Variants in ZNF814 observed in about 807,000 individuals in gnomAD.
ZNF814 encodes zinc finger protein 814.
ZNF814 carries 5 observed loss-of-function variants against 7.5 expected under a neutral mutation model. That is an observed-to-expected ratio of 0.67 (90% CI 0.35 to 1.40). The LOEUF (loss-of-function observed/expected upper bound fraction) is 1.40. ZNF814 is among the 40% of genes most tolerant of loss of function. ZNF814 has a pLI of 0.04. For synonymous variants in ZNF814, 315 were observed against 340.7 expected (o/e 0.92, Z 0.83); for missense variants, 962 against 1,018.0 (o/e 0.94, Z 0.75).
upstream of ZNF814, among the ~76,000 whole-genome samples, chr19:57,893,930 A>G (rs1600142729): frequency 6.6e-6 from 1 of 151,738 alleles, no homozygotes; most frequent in South Asian, 2.1e-4. Context: ...AAAAAAAAAA[A>G]AAAATTAGTC....
the ZNF814 span, among the ~76,000 whole-genome samples, chr19:57,903,779 C>G: frequency 2.0e-5 from 3 of 152,134 alleles, no homozygotes; most frequent in Admixed American, 6.5e-5. Flanking sequence ...ATGCGGAAGC[C>G]GCTTCTGGAG....
rs868117818 is a variant in ZNF814 at position 57,872,084 on chromosome 19, C to T, written c.*738G>A. Among the ~76,000 whole-genome samples the T allele has an allele frequency of 2.6e-5, 4 of 152,072 alleles. No homozygotes were observed. The highest frequency in any genetic ancestry group is 3.9e-4 in the East Asian group (2 of 5,184). On this transcript the variant is annotated 3_prime_UTR_variant, in exon 3 of 3. Coordinates refer to ENST00000435989, the MANE Select transcript of ZNF814 (RefSeq NM_001144989.2). ...ACACACCACTGCACGCCATCCTGAG[C>T]GACACAGTGACAACCTGTCTCAAAA...
intron 1 of ZNF814, among the ~76,000 whole-genome samples, chr19:57,879,265 C>A (rs376107202): frequency 6.6e-6 from 1 of 150,730 alleles, no homozygotes; most frequent in Non-Finnish European, 1.5e-5. Context: ...GACCCTATTC[C>A]ACTTCTGTGC....
chr19:57,885,683 T>C (rs1237812378), intron 1 of ZNF814, among the ~76,000 whole-genome samples: 1 of 142,104 alleles, frequency 7.0e-6, no homozygotes, highest in Admixed American at 7.1e-5. Flanking sequence ...GAGAATAAGA[T>C]CTAGAAAAAG....
chr19:57,894,971 T>G, the ZNF814 span, among the ~76,000 whole-genome samples: 1 of 152,082 alleles, frequency 6.6e-6, no homozygotes, highest in Non-Finnish European at 1.5e-5. Flanking sequence ...AGCAAATGGA[T>G]GGAAATCAGA....
At chr19:57,897,768 G>T in the ZNF814 span, among the ~76,000 whole-genome samples, 1 of 152,084 alleles carries the variant, frequency 6.6e-6, no homozygotes, top group South Asian at 2.1e-4. Flanking sequence ...TTGCTTGGAG[G>T]GTCTAGCTTA....
chr19:57,904,411 A>G, the ZNF814 span, among the ~76,000 whole-genome samples: 1 of 151,482 alleles, frequency 6.6e-6, no homozygotes. Context: ...CATTCCTTTG[A>G]CTCTGCCAGA....
rs1380167156 is a variant in ZNF814, at chr19:57,874,865, A to G, written c.525T>C (p.Ser175=). 5.0e-6 allele frequency: 8 copies of G among 1,613,844 alleles called. No individual in the cohort carries two copies. The highest frequency in any genetic ancestry group is 6.8e-6 in the Non-Finnish European group (8 of 1,179,988). The change falls in exon 3 of 3, where the codon AGT becomes AGC. Residue 175 remains serine, a synonymous_variant. Transcript: ENST00000435989. The part of the protein sequence containing the change: ...VSGESSVFSE[S]GKDFLPRSGL... ...CTGACCTGGGCAAAAAGTCCTTCCC[A>G]CTCTCACTGAAGACAGATGACTCCC...
At chr19:57,903,838 G>A in the ZNF814 span, among the ~76,000 whole-genome samples, 28 of 152,122 alleles carry the variant, frequency 1.8e-4, no homozygotes, top group Non-Finnish European at 8.8e-5. Context: ...CGGTTTTGCA[G>A]GACAAAAAAG....
intron 1 of ZNF814, among the ~76,000 whole-genome samples, chr19:57,887,539 C>A (rs926943091): frequency 4.6e-5 from 7 of 152,166 alleles, no homozygotes; most frequent in Non-Finnish European, 8.8e-5. Flanking sequence ...TTTCACTAAT[C>A]CTGTTTTTAG....
Position 57,884,362 on chromosome 19 carries a change from T to C in ZNF814, c.36+4405A>G, listed in dbSNP as rs78045181. ...GAGCAGTGCCTCCCAGCTATAATCA[T>C]AGCAGTTTGGGAGACTGAGGCAGAA... is the stretch of plus-strand genomic sequence containing the variant. On this transcript the variant is annotated intron_variant, in intron 1 of 2. Coordinates refer to ENST00000435989, the MANE Select transcript of ZNF814 (RefSeq NM_001144989.2). 2.2e-3 allele frequency among the ~76,000 whole-genome samples: 329 copies of C among 152,286 alleles called. 4 individuals carry two copies. The highest frequency in any genetic ancestry group is 7.4e-3 in the African/African-American group (309 of 41,574).
At chr19:57,884,833 T>C (rs879461286) in intron 1 of ZNF814, among the ~76,000 whole-genome samples, 4 of 152,174 alleles carry the variant, frequency 2.6e-5, no homozygotes, top group African/African-American at 4.8e-5. Context: ...ACAACCACTA[T>C]GGAGAACAGT....
rs778753691 is a variant in ZNF814, at chr19:57,889,010, T to G, written c.-208A>C. The stretch of plus-strand genomic sequence containing the variant: ...GGACCTAGCGCTCAGGAGCCTCTCC[T>G]ACAAATAAATCCAACACCAATCAAA... On this transcript the variant is annotated 5_prime_UTR_variant, in exon 1 of 3. Coordinates refer to ENST00000435989, the MANE Select transcript of ZNF814 (RefSeq NM_001144989.2). The G allele has an allele frequency of 8.5e-5, 49 of 578,646 alleles. No individual in the cohort carries two copies. Among genetic ancestry groups the G allele is most frequent in the South Asian group, 4.6e-4 (20 of 43,374 alleles). 35.8% of individuals were successfully genotyped at this position (578,646 alleles called of 1,614,324 possible).
At chr19:57,879,255 G>A (rs540995507) in intron 1 of ZNF814, among the ~76,000 whole-genome samples, 1 of 151,416 alleles carries the variant, frequency 6.6e-6, no homozygotes, top group African/African-American at 2.4e-5. Context: ...AGCTATCCAT[G>A]ACCCTATTCC....
intron 2 of ZNF814, among the ~76,000 whole-genome samples, chr19:57,875,943 C>CTTTTTTTTTTTTTTTTT (rs567660556): frequency 5.6e-5 from 4 of 71,376 alleles, no homozygotes; most frequent in Admixed American, 3.6e-4. Flanking sequence ...CAGGGTGCCG[C>CTTTTTTTTTTTTTTTTT]TTTTTTTTTT....
In ZNF814 at chr19:57,870,385, A is replaced by G. The variant is rs1305650767; in HGVS notation, c.*2437T>C. The G allele has an allele frequency of 2.6e-5, 4 of 152,214 alleles. No individual in the cohort carries two copies. Among genetic ancestry groups the G allele is most frequent in the African/African-American group, 9.7e-5 (4 of 41,450 alleles). The allele number at this position is 152,214 out of a possible 1,614,324, so 9.4% of individuals were successfully genotyped here. ...GCCCTAAGTGGGAAAACTAGCCTCC[A>G]CGGTAGCAAATATTGATGTGGCACT... On this transcript the variant is annotated 3_prime_UTR_variant, in exon 3 of 3. Coordinates refer to ENST00000435989, the MANE Select transcript of ZNF814 (RefSeq NM_001144989.2).
In ZNF814 at chr19:57,872,645, C is replaced by T. The variant is rs922586587; in HGVS notation, c.*177G>A. On this transcript the variant is annotated 3_prime_UTR_variant, in exon 3 of 3. Transcript: ENST00000435989. Reference sequence around the variant, plus strand: ...GTTTCAGCAAAGGATTTCCCACATTCACTGCACTCATAAGGTGGTGTGACC... The same window carrying T: ...GTTTCAGCAAAGGATTTCCCACATTTACTGCACTCATAAGGTGGTGTGACC... 2 of 1,489,732 alleles carry T rather than the reference C, an allele frequency of 1.3e-6. No individual in the cohort carries two copies. The highest frequency in any genetic ancestry group is 9.2e-7 in the Non-Finnish European group (1 of 1,086,872). The allele number at this position is 1,489,732 out of a possible 1,614,324, so 92.3% of individuals were successfully genotyped here. A position where few individuals can be genotyped will look rare whatever the true frequency, so the allele number is the denominator to read the frequency against.
Position 57,872,158 on chromosome 19 carries a change from C to T in ZNF814, c.*664G>A, listed in dbSNP as rs1425790247. Among the ~76,000 whole-genome samples, 1 of 152,132 alleles carries T rather than the reference C, an allele frequency of 6.6e-6. No individual in the cohort carries two copies. The highest frequency in any genetic ancestry group is 2.4e-5 in the African/African-American group (1 of 41,422). On this transcript the variant is annotated 3_prime_UTR_variant, in exon 3 of 3. Coordinates refer to ENST00000435989, the MANE Select transcript of ZNF814 (RefSeq NM_001144989.2). The stretch of plus-strand genomic sequence containing the variant: ...ATAGTGAAAAATGCACTGTAGCTGC[C>T]ACACACTTGGAACTTTTGCAGATGC...
chr19:57,901,792 G>A, the ZNF814 span: 2 of 398,506 alleles, frequency 5.0e-6, no homozygotes, highest in East Asian at 7.1e-5. Context: ...GTGGCGGTAA[G>A]CCTCCCTACT....
Sources: allele counts gnomAD v4.1 joint callset (sites outside exome capture counted in the v4.1 genomes callset), GRCh38; gene constraint gnomAD v4.1.1; transcripts MANE v1.5; gene names NCBI Gene and HGNC (gene_info 2026-07-23, HGNC 2026-07-21).